ADAD1: variants seen among roughly 807,000 people sequenced by gnomAD.
ADAD1 encodes adenosine deaminase domain containing 1.
Under a neutral mutation model 66.8 loss-of-function variants are expected in ADAD1, and 46 were observed. The observed-to-expected ratio is 0.69, with a 90% CI of 0.54 to 0.88. ADAD1 has a LOEUF of 0.88. Ranked by LOEUF, ADAD1 falls within the 40% of genes least tolerant of loss-of-function variation. The probability of loss-of-function intolerance (pLI) is 0.00; values close to 1 mark genes in which losing one functional copy is unlikely to be tolerated. For synonymous variants in ADAD1, 248 were observed against 229.4 expected, an observed-to-expected ratio of 1.08 and a Z score of -0.73; for missense variants, 617 against 681.8, an observed-to-expected ratio of 0.91 and a Z score of 1.06.
At chr4:122,391,331 T>C (rs757539463) in intron 5 of ADAD1, among the ~76,000 whole-genome samples, 2 of 152,180 alleles carry the variant, frequency 1.3e-5, no homozygotes, top group Non-Finnish European at 2.9e-5. Flanking sequence ...TTGGAATGTC[T>C]CACCCAGTTG....
rs373781608 is a variant in ADAD1 at position 122,388,421 on chromosome 4, G to A, written c.529+4455G>A. The stretch of plus-strand genomic sequence containing the variant: ...AGGAGTCCTTCCTTTTCAATTGTTT[G>A]GAATAGTTTCAGAAGGAATGGTACC... On this transcript the variant is annotated intron_variant, in intron 5 of 12. Transcript: ENST00000296513. Among the ~76,000 whole-genome samples the A allele has an allele frequency of 4.6e-5, 7 of 152,258 alleles. No homozygotes were observed. In the East Asian group the frequency reaches 5.8e-4, roughly 13 times the overall value.
At position 122,380,935 on chromosome 4, in the gene ADAD1, G is replaced by T. The variant is rs1009018849; in HGVS notation, c.173-57G>T. 7 of 1,458,966 alleles carry T rather than the reference G, an allele frequency of 4.8e-6. No individual in the cohort carries two copies. The African/African-American group carries it at 1.0e-4, about 21-fold the overall frequency. 90.4% of individuals were successfully genotyped at this position (1,458,966 alleles called of 1,614,324 possible). A position where few individuals can be genotyped will look rare whatever the true frequency, so the allele number is the denominator to read the frequency against. ...ATTTCGGGGAGGATTTATTGCTTTT[G>T]CTCATTTTTGTTTGTTTGTTTTAAA... On this transcript the variant is annotated intron_variant, in intron 3 of 12. Coordinates refer to ENST00000296513, the MANE Select transcript of ADAD1 (RefSeq NM_139243.4).
At position 122,380,104 on chromosome 4, in the gene ADAD1, A is replaced by C. The variant is rs772355282; in HGVS notation, c.35A>C (p.Gln12Pro). The C allele has an allele frequency of 1.2e-6, 2 of 1,613,864 alleles. No homozygotes were observed. ...ASNNHWFQSS[Q>P]VPSFAQMLKK... ...AACAATCATTGGTTTCAGAGTTCGC[A>C]GGTCCCCAGCTTTGCCCAGATGCTG... is the stretch of plus-strand genomic sequence containing the variant. Residue 12 changes from glutamine to proline, a missense_variant, in exon 3 of 13, where the codon CAG (glutamine) becomes CCG (proline). Gln to Pro is a moderately conservative substitution (Grantham distance 76). Coordinates refer to ENST00000296513, the MANE Select transcript of ADAD1 (RefSeq NM_139243.4).
intron 11 of ADAD1, among the ~76,000 whole-genome samples, chr4:122,420,787 T>TGTGAC (rs1796968557): frequency 1.3e-5 from 2 of 152,216 alleles, no homozygotes; most frequent in Admixed American, 1.3e-4. Flanking sequence ...CAGGAAGGCT[T>TGTGAC]GTGACATAGG....
At chr4:122,380,030 T>C (rs1228147288) in intron 2 of ADAD1, 32 bp from the exon 3 acceptor site, 2 of 1,576,616 alleles carry the variant, frequency 1.3e-6, no homozygotes, top group Non-Finnish European at 1.7e-6. Flanking sequence ...GCGTTTTGTC[T>C]TGTTTTCTGC....
intron 11 of ADAD1, among the ~76,000 whole-genome samples, chr4:122,419,101 C>G (rs1420422272): frequency 6.6e-6 from 1 of 152,130 alleles, no homozygotes; most frequent in African/African-American, 2.4e-5. Context: ...CAGCACTATT[C>G]ACAATAGCAA....
intron 6 of ADAD1, among the ~76,000 whole-genome samples, chr4:122,394,440 T>C (rs1342271874): frequency 6.6e-6 from 1 of 152,214 alleles, no homozygotes; most frequent in East Asian, 1.9e-4. Flanking sequence ...GCCTTTATTT[T>C]CCATTTTCAG....
intron 7 of ADAD1, among the ~76,000 whole-genome samples, chr4:122,403,795 C>A (rs974488414): frequency 1.3e-4 from 20 of 152,144 alleles, no homozygotes; most frequent in African/African-American, 4.8e-4. Context: ...TTGAGAAAAA[C>A]CATCAGATAG....
chr4:122,420,485 T>C (rs1796952055), intron 11 of ADAD1, among the ~76,000 whole-genome samples: 1 of 152,192 alleles, frequency 6.6e-6, no homozygotes, highest in Admixed American at 6.5e-5. Context: ...AGATTCAGAA[T>C]TATCACACTG....
intron 5 of ADAD1, among the ~76,000 whole-genome samples, chr4:122,393,238 T>G (rs1375019058): frequency 2.6e-5 from 4 of 152,102 alleles, no homozygotes; most frequent in African/African-American, 7.2e-5. Context: ...TCATTAATTT[T>G]TAATAGAACA....
intron 7 of ADAD1, among the ~76,000 whole-genome samples, chr4:122,404,695 C>T (rs1051390073): frequency 1.3e-5 from 2 of 152,040 alleles, no homozygotes; most frequent in African/African-American, 4.8e-5. Flanking sequence ...CATGTTAGTC[C>T]TGTGTCCTAT....
At chr4:122,408,423 G>A (rs894168912) in intron 8 of ADAD1, among the ~76,000 whole-genome samples, 30 of 152,178 alleles carry the variant, frequency 2.0e-4, no homozygotes, top group Non-Finnish European at 1.9e-4. Flanking sequence ...TTACAGGCAT[G>A]CGCCAACACA....
At chr4:122,417,891 G>A (rs1298454033) in intron 11 of ADAD1, among the ~76,000 whole-genome samples, 1 of 152,098 alleles carries the variant, frequency 6.6e-6, no homozygotes, top group Non-Finnish European at 1.5e-5. Context: ...CTGACTCCTG[G>A]TTCAAAGGGG....
At chr4:122,402,462 A>G (rs115375765) in intron 7 of ADAD1, among the ~76,000 whole-genome samples, 1 of 152,024 alleles carries the variant, frequency 6.6e-6, no homozygotes, top group Admixed American at 6.5e-5. Flanking sequence ...TAGCCTGATG[A>G]CTTTGTGCCT....
In ADAD1 at chr4:122,406,404, C is replaced by A. The variant is rs1427965957; in HGVS notation, c.725-1504C>A. Among the ~76,000 whole-genome samples, 6 of 152,112 alleles carry A rather than the reference C, an allele frequency of 3.9e-5. No homozygotes were observed. In the South Asian group the frequency reaches 1.2e-3, roughly 32 times the overall value. ...TCAGGTTCTGTTTCCATTTTTAAAT[C>A]AAGTTACTTGCTTTTTACTGTTGAG... On this transcript the variant is annotated intron_variant, in intron 7 of 12. Coordinates refer to ENST00000296513, the MANE Select transcript of ADAD1 (RefSeq NM_139243.4).
At position 122,421,198 on chromosome 4, in the gene ADAD1, A is replaced by G. The variant is rs75373328; in HGVS notation, c.1488-63A>G. ...TGTAGATCCATATTGATTTTAATCTATACAATTGCCAACATAAATTACTGA... is the reference window on the plus strand; with the variant it reads ...TGTAGATCCATATTGATTTTAATCTGTACAATTGCCAACATAAATTACTGA... On this transcript the variant is annotated intron_variant, in intron 11 of 12. Transcript: ENST00000296513. 1.7e-3 allele frequency: 2,281 copies of G among 1,325,054 alleles called. 4 individuals are homozygous for G. Among genetic ancestry groups the G allele is most frequent in the South Asian group, 2.1e-3 (116 of 55,326 alleles). The allele number at this position is 1,325,054 out of a possible 1,614,324, so 82.1% of individuals were successfully genotyped here. A position where few individuals can be genotyped will look rare whatever the true frequency, so the allele number is the denominator to read the frequency against.
intron 7 of ADAD1, among the ~76,000 whole-genome samples, chr4:122,397,395 G>T (rs138813001): frequency 4.5e-4 from 68 of 152,206 alleles, no homozygotes; most frequent in African/African-American, 9.4e-4. Flanking sequence ...ACGTCTCTAT[G>T]CTTTAATTTT....
intron 5 of ADAD1, among the ~76,000 whole-genome samples, chr4:122,387,995 G>A (rs1289255672): frequency 3.3e-5 from 5 of 152,188 alleles, no homozygotes; most frequent in East Asian, 3.9e-4. Flanking sequence ...TCCTGACCTC[G>A]TGATCCACCC....
intron 3 of ADAD1, 55 bp from the exon 4 acceptor site, chr4:122,380,937 T>C (rs1794866874): frequency 6.8e-7 from 1 of 1,477,714 alleles, no homozygotes; most frequent in Non-Finnish European, 9.1e-7. Flanking sequence ...TTGCTTTTGC[T>C]CATTTTTGTT....
Sources: allele counts gnomAD v4.1 joint callset (sites outside exome capture counted in the v4.1 genomes callset), GRCh38; gene constraint gnomAD v4.1.1; transcripts MANE v1.5; gene names NCBI Gene and HGNC (gene_info 2026-07-23, HGNC 2026-07-21).